Variants in ROCK1 observed in about 807,000 individuals in gnomAD.
ROCK1 encodes rho-associated protein kinase 1.
A neutral mutation model predicts 196.8 loss-of-function variants in ROCK1; 36 were observed. The observed-to-expected ratio is 0.18, with a 90% CI of 0.14 to 0.24. The LOEUF is 0.24. ROCK1 is among the 10% of genes least tolerant of loss of function. ROCK1 has a pLI of 1.00. For missense variants in ROCK1, 920 were observed against 1,562.0 expected, an observed-to-expected ratio of 0.59 and a Z score of 6.93; for synonymous variants, 443 against 515.9, an observed-to-expected ratio of 0.86 and a Z score of 1.91.
chr18:20,991,132 CTATT>C (rs775888426), intron 18 of ROCK1, 40 bp downstream of exon 18: 25 of 1,533,882 alleles, frequency 1.6e-5, no homozygotes, highest in Middle Eastern at 1.8e-4. Context: ...TTTCTAGTCA[CTATT>C]TAAAGTCAAT....
At chr18:20,994,100 A>C (rs1218404659) in intron 16 of ROCK1, among the ~76,000 whole-genome samples, 1 of 152,200 alleles carries the variant, frequency 6.6e-6, no homozygotes, top group Non-Finnish European at 1.5e-5. Flanking sequence ...TATCTGCTAG[A>C]TTAGTTCTAG....
At chr18:20,956,895 G>A (rs1277586107) in intron 29 of ROCK1, among the ~76,000 whole-genome samples, 5 of 152,096 alleles carry the variant, frequency 3.3e-5, no homozygotes, top group African/African-American at 1.2e-4. Context: ...GATATACAAT[G>A]GCTAATAACG....
At chr18:20,979,842 T>A in intron 22 of ROCK1, 68 bp downstream of exon 22, 1 of 1,464,624 alleles carries the variant, frequency 6.8e-7, no homozygotes, top group South Asian at 1.3e-5. Context: ...GCACATCTAT[T>A]CACTAACTTA....
intron 1 of ROCK1, among the ~76,000 whole-genome samples, chr18:21,102,183 A>C (rs533190135): frequency 1.3e-5 from 2 of 152,340 alleles, no homozygotes; most frequent in East Asian, 1.9e-4. Context: ...GAATCATCCC[A>C]AAAAATTGTG....
chr18:21,111,323 G>C lies in ROCK1; in HGVS notation c.-413C>G, dbSNP rs1004676843. ...GAGACTCCCTCCGGGCAACAAGGGA[G>C]GGAGAAGAGGAAAGGCGAAAGCAAA... On this transcript the variant is annotated 5_prime_UTR_variant, in exon 1 of 33. Transcript: ENST00000399799. The surrounding 1 kb of genome is among the most constrained non-coding windows in gnomAD (Gnocchi z 4.2). The C allele has an allele frequency of 3.1e-5, 14 of 452,958 alleles. No individual in the cohort carries two copies. Among genetic ancestry groups the C allele is most frequent in the Non-Finnish European group, 4.6e-5 (12 of 259,032 alleles). 28.1% of individuals were successfully genotyped at this position (452,958 alleles called of 1,614,324 possible).
chr18:20,983,655 T>G (rs1420541077), intron 20 of ROCK1, among the ~76,000 whole-genome samples: 1 of 151,940 alleles, frequency 6.6e-6, no homozygotes, highest in African/African-American at 2.4e-5. Context: ...TGAGCGAGAG[T>G]ATTTTTGGAG....
In ROCK1 at chr18:21,044,190, C is replaced by T. The variant is rs1205840337; in HGVS notation, c.591-4G>A. 1 of 1,603,808 alleles carries T rather than the reference C, an allele frequency of 6.2e-7. No individual in the cohort carries two copies. Among genetic ancestry groups the T allele is most frequent in the Non-Finnish European group, 8.5e-7 (1 of 1,174,526 alleles). On this transcript the variant is annotated splice_polypyrimidine_tract_variant and splice_region_variant and intron_variant, in intron 5 of 32. Transcript: ENST00000399799. ...CATGTTATCAGGCTTCACATCTCTG[C>T]AGGAGGGAAAAAATAGTACAGTATT...
intron 10 of ROCK1, 43 bp from the exon 11 acceptor site, chr18:21,023,723 T>G (rs2035933852): frequency 9.4e-7 from 1 of 1,067,734 alleles, no homozygotes; most frequent in Non-Finnish European, 1.4e-6. Flanking sequence ...AACAAAAAAC[T>G]CTGTAATATC....
chr18:21,031,620 A>AG (rs1376035064), intron 9 of ROCK1, among the ~76,000 whole-genome samples: 6 of 150,612 alleles, frequency 4.0e-5, no homozygotes, highest in Admixed American at 1.3e-4. Context: ...AAAAAAAAAA[A>AG]AAAAAGAAAA....
At chr18:21,017,277 C>T (rs559796819) in intron 12 of ROCK1, among the ~76,000 whole-genome samples, 1 of 150,486 alleles carries the variant, frequency 6.6e-6, no homozygotes, top group South Asian at 2.1e-4. Context: ...CTGCAAGCTC[C>T]GTCTCCCGGG....
chr18:21,009,632 T>C (rs2035799830), intron 13 of ROCK1, among the ~76,000 whole-genome samples: 1 of 152,212 alleles, frequency 6.6e-6, no homozygotes, highest in African/African-American at 2.4e-5. Flanking sequence ...CACAGCCAAT[T>C]GGTTTTCCAG....
rs72879425 is a variant in ROCK1 at position 21,051,795 on chromosome 18, C to T, written c.176-1915G>A. On this transcript the variant is annotated intron_variant, in intron 2 of 32. Transcript: ENST00000399799. ...ATCTACTTCAGGCTCTTCCATAATA[C>T]AGTCCCTGAGGAATGCTCTGGAATC... 3.1e-3 allele frequency among the ~76,000 whole-genome samples: 471 copies of T among 152,306 alleles called. 3 individuals are homozygous for T. The highest frequency in any genetic ancestry group is 5.5e-3 in the Non-Finnish European group (372 of 68,030).
intron 14 of ROCK1, among the ~76,000 whole-genome samples, chr18:21,007,548 C>A (rs2035778791): frequency 6.6e-6 from 1 of 151,994 alleles, no homozygotes; most frequent in African/African-American, 2.4e-5. Flanking sequence ...TATCAGTTTG[C>A]AGTAGGAGTA....
intron 4 of ROCK1, among the ~76,000 whole-genome samples, chr18:21,047,008 G>C (rs1235101676): frequency 1.3e-5 from 2 of 152,010 alleles, no homozygotes; most frequent in South Asian, 2.1e-4. Flanking sequence ...ATGTATTTTG[G>C]GGGAAGAGAG....
intron 1 of ROCK1, among the ~76,000 whole-genome samples, chr18:21,096,734 T>C (rs1166497735): frequency 3.9e-5 from 6 of 152,114 alleles, no homozygotes; most frequent in Non-Finnish European, 7.3e-5. Context: ...TATGATCAAC[T>C]AATTCAGAGA....
intron 16 of ROCK1, among the ~76,000 whole-genome samples, chr18:20,994,088 C>T (rs958658855): frequency 1.3e-5 from 2 of 152,076 alleles, no homozygotes; most frequent in Admixed American, 1.3e-4. Flanking sequence ...CCTGATAATG[C>T]ATATCTGCTA....
intron 10 of ROCK1, among the ~76,000 whole-genome samples, chr18:21,028,207 G>A (rs1462852073): frequency 3.3e-5 from 5 of 151,252 alleles, no homozygotes; most frequent in Non-Finnish European, 1.5e-5. Context: ...CATGAGGTCA[G>A]GAGTTCAAGA....
intron 2 of ROCK1, among the ~76,000 whole-genome samples, chr18:21,053,531 T>C (rs575127998): frequency 1.3e-5 from 2 of 152,318 alleles, no homozygotes; most frequent in East Asian, 1.9e-4. Context: ...TTCTCCATTA[T>C]GCTTCAAAAA....
chr18:21,000,833 T>G (rs537480184), intron 16 of ROCK1, among the ~76,000 whole-genome samples: 24 of 152,292 alleles, frequency 1.6e-4, no homozygotes, highest in African/African-American at 5.5e-4. Flanking sequence ...GTGCAGCCAT[T>G]GCAGAAAACA....
Sources: gnomAD v4.1 joint callset for allele counts (sites outside exome capture counted in the v4.1 genomes callset) on GRCh38, gnomAD v4.1.1 for gene constraint, Gnocchi (gnomAD v3.1) non-coding constraint, MANE v1.5 for transcripts, NCBI Gene and HGNC (gene_info 2026-07-23, HGNC 2026-07-21) for gene names.